Variants in STARD9 observed in about 807,000 individuals in gnomAD.
STARD9 encodes StAR related lipid transfer domain containing 9, also known as stAR-related lipid transfer protein 9.
A neutral mutation model predicts 399.8 loss-of-function variants in STARD9; 346 were observed. That is an observed-to-expected ratio of 0.87 (90% CI 0.79 to 0.95). The LOEUF is 0.95. Among genes scored for constraint, STARD9 ranks in the 40% least tolerant of loss-of-function variants. The probability of loss-of-function intolerance (pLI) is 0.00; values close to 1 mark genes in which losing one functional copy is unlikely to be tolerated. For missense variants in STARD9, 5,832 were observed against 5,667.5 expected (o/e 1.03, Z -0.93); for synonymous variants, 2,203 against 2,143.5 (o/e 1.03, Z -0.77).
In STARD9 at chr15:42,674,957, G is replaced by C. The variant is rs1244487527; in HGVS notation, c.1680G>C (p.Leu560=). 5 of 1,533,710 alleles carry C rather than the reference G, an allele frequency of 3.3e-6. No homozygotes were observed. Among genetic ancestry groups the C allele is most frequent in the Non-Finnish European group, 4.4e-6 (5 of 1,145,396 alleles). The change falls in exon 18 of 33, where the codon CTG becomes CTC. Residue 560 remains leucine, a synonymous_variant. Coordinates refer to ENST00000290607, the MANE Select transcript of STARD9 (RefSeq NM_020759.3). ...NGREVTASCR[L]TQGAVITLGK... is the part of the protein sequence containing the mutation. ...GGGAGGTCACTGCCTCCTGCCGTCT[G>C]ACTCAAGGTAGGACTGTCTGTAGCC...
intron 26 of STARD9, among the ~76,000 whole-genome samples, chr15:42,707,496 G>C (rs2061115076): frequency 6.8e-6 from 1 of 146,410 alleles, no homozygotes; most frequent in Non-Finnish European, 1.5e-5. Context: ...TTGAGACAGA[G>C]TCTTGCTGTG....
Position 42,692,188 on chromosome 15 carries a change from A to T in STARD9, c.10610A>T (p.Asp3537Val). The change falls in exon 23 of 33, where the codon GAT (aspartate) becomes GTT (valine). Residue 3537 changes from aspartate to valine, a missense_variant. This residue lies in a region of STARD9 where 5,828 missense variants were observed against 5,651.1 expected (regional missense o/e 1.03). Coordinates refer to ENST00000290607, the MANE Select transcript of STARD9 (RefSeq NM_020759.3). Reference sequence around the variant, plus strand: ...CTCAGCACTTACGCCAATATTTGTGATCTGTCAACCACACACAGCAGCACT... The same window carrying T: ...CTCAGCACTTACGCCAATATTTGTGTTCTGTCAACCACACACAGCAGCACT... ...SHLSTYANIC[D>V]LSTTHSSTEN... The T allele has an allele frequency of 6.5e-7, 1 of 1,537,046 alleles. No homozygotes were observed. The highest frequency in any genetic ancestry group is 1.2e-5 in the South Asian group (1 of 84,050).
chr15:42,601,079 A>G (rs1256722420), intron 3 of STARD9, among the ~76,000 whole-genome samples: 1 of 152,052 alleles, frequency 6.6e-6, no homozygotes, highest in African/African-American at 2.4e-5. Context: ...CTTAACGAGT[A>G]TGCTGCCTTC....
In STARD9 at chr15:42,720,785, T is replaced by A. The variant is rs1479452995; in HGVS notation, c.*1211T>A. 1 of 152,302 alleles carries A rather than the reference T, an allele frequency of 6.6e-6. No homozygotes were observed. 9.4% of individuals were successfully genotyped at this position (152,302 alleles called of 1,614,324 possible). A position where few individuals can be genotyped will look rare whatever the true frequency, so the allele number is the denominator to read the frequency against. ...TTTTCTAAAGTGTTTGCAGGGCATT[T>A]TTCCCTCTTACCTCAGATTAAGTTA... On this transcript the variant is annotated 3_prime_UTR_variant, in exon 33 of 33. Transcript: ENST00000290607.
At chr15:42,716,642 T>G in intron 26 of STARD9, 35 bp from the exon 27 acceptor site, 1 of 1,363,368 alleles carries the variant, frequency 7.3e-7, no homozygotes, top group Non-Finnish European at 1.0e-6. Flanking sequence ...TGTGCTTGCC[T>G]TCTGGCTCTG....
chr15:42,620,373 C>T (rs2059064271), intron 3 of STARD9, among the ~76,000 whole-genome samples: 1 of 151,698 alleles, frequency 6.6e-6, no homozygotes, highest in African/African-American at 2.4e-5. Context: ...CCCAGCTACT[C>T]CAGAGGCTGA....
At position 42,686,858 on chromosome 15, in the gene STARD9, C is replaced by G. The variant is rs573673780; in HGVS notation, c.5280C>G (p.Ala1760=). 90 of 1,537,086 alleles carry G rather than the reference C, an allele frequency of 5.9e-5. No individual in the cohort carries two copies. Among genetic ancestry groups the G allele is most frequent in the South Asian group, 4.4e-4 (37 of 84,064 alleles). Residue 1760 remains alanine (A), a synonymous_variant, in exon 23 of 33, where the codon GCC becomes GCG. Coordinates refer to ENST00000290607, the MANE Select transcript of STARD9 (RefSeq NM_020759.3). ...TKSRDALTET[A]LEIPACREVR... ...GCAGGGATGCCCTGACAGAAACTGC[C>G]TTAGAGATTCCAGCTTGCAGAGAAG... is the stretch of plus-strand genomic sequence containing the variant.
intron 26 of STARD9, among the ~76,000 whole-genome samples, chr15:42,707,150 G>T (rs892932479): frequency 6.6e-6 from 1 of 151,760 alleles, no homozygotes; most frequent in Non-Finnish European, 1.5e-5. Flanking sequence ...AGTTAAAAAA[G>T]TAATAAAAAC....
intron 3 of STARD9, among the ~76,000 whole-genome samples, chr15:42,603,627 A>T (rs1487960531): frequency 4.6e-5 from 7 of 152,150 alleles, no homozygotes; most frequent in African/African-American, 1.7e-4. Context: ...CTCCCCAAAT[A>T]TGTGGAGACG....
In STARD9 at chr15:42,693,579, C is replaced by T. The variant is rs2060768781; in HGVS notation, c.12001C>T (p.Gln4001Ter). The T allele has an allele frequency of 4.6e-6, 7 of 1,537,162 alleles. No individual in the cohort carries two copies. Among genetic ancestry groups the T allele is most frequent in the Non-Finnish European group, 6.1e-6 (7 of 1,146,922 alleles). ...LQFSFLGQHP[Q>*]QLQPRTTIGV... The stretch of plus-strand genomic sequence containing the variant: ...ATTTAGTTTCTTAGGGCAGCACCCT[C>T]AGCAGCTTCAGCCCAGGACAACTAT... Residue 4001 changes from glutamine (Q) to a stop codon, truncating the protein, a stop_gained, in exon 23 of 33, where the codon CAG (glutamine) becomes TAG (stop). Transcript: ENST00000290607. LOFTEE classifies it high-confidence loss of function.
Position 42,687,824 on chromosome 15 carries a change from G to C in STARD9, c.6246G>C (p.Lys2082Asn). 1.3e-6 allele frequency: 2 copies of C among 1,537,470 alleles called. No individual in the cohort carries two copies. Among genetic ancestry groups the C allele is most frequent in the South Asian group, 2.4e-5 (2 of 84,060 alleles). Reference sequence around the variant, plus strand: ...CTTCCCACACACCAGGAACCGATAAGGAGTTGGTGTTCCAGGACCAGAAGG... The same window carrying C: ...CTTCCCACACACCAGGAACCGATAACGAGTTGGTGTTCCAGGACCAGAAGG... Reference protein sequence around the residue: ...VHASHTPGTDKELVFQDQKEQ... With the variant: ...VHASHTPGTDNELVFQDQKEQ... The change falls in exon 23 of 33, where the codon AAG (lysine) becomes AAC (asparagine). Residue 2082 changes from lysine to asparagine, a missense_variant. Coordinates refer to ENST00000290607, the MANE Select transcript of STARD9 (RefSeq NM_020759.3).
chr15:42,586,727 G>A (rs2058284274), intron 3 of STARD9, among the ~76,000 whole-genome samples: 2 of 152,058 alleles, frequency 1.3e-5, no homozygotes, highest in Admixed American at 1.3e-4. Context: ...AAATACTACT[G>A]GAAATAGAAA....
rs781538433 is a variant in STARD9 at position 42,692,341 on chromosome 15, C to G, written c.10763C>G (p.Pro3588Arg). 4 of 1,536,862 alleles carry G rather than the reference C, an allele frequency of 2.6e-6. No homozygotes were observed. In the African/African-American group the frequency reaches 5.5e-5, roughly 21 times the overall value. The change falls in exon 23 of 33, where the codon CCT (proline) becomes CGT (arginine). Residue 3588 changes from proline to arginine, a missense_variant. Around this residue, in one of 2 missense-constraint regions of STARD9, gnomAD observed 5,828 missense variants for 5,651.1 expected, o/e 1.03. Coordinates refer to ENST00000290607, the MANE Select transcript of STARD9 (RefSeq NM_020759.3). ...CCCACTTCGGGTCATGACAGAAGGCCTCAGTTCAGGGGCCCTTCTGGTGAA... is the reference window on the plus strand; with the variant it reads ...CCCACTTCGGGTCATGACAGAAGGCGTCAGTTCAGGGGCCCTTCTGGTGAA... ...VAPTSGHDRR[P>R]QFRGPSGEAD...
chr15:42,654,611 A>G (rs1174301379), intron 9 of STARD9, among the ~76,000 whole-genome samples: 1 of 152,196 alleles, frequency 6.6e-6, no homozygotes, highest in Non-Finnish European at 1.5e-5. Context: ...ATGTACATGA[A>G]TCAGTAGCTG....
rs754142958 is a variant in STARD9, at chr15:42,684,520, C to T, written c.2942C>T (p.Ala981Val). 4.6e-6 allele frequency: 7 copies of T among 1,537,130 alleles called. No homozygotes were observed. Among genetic ancestry groups the T allele is most frequent in the Non-Finnish European group, 6.1e-6 (7 of 1,146,872 alleles). ...TTQTRGAKGLADPSHTQAGWR... is the reference protein window; with the variant it reads ...TTQTRGAKGLVDPSHTQAGWR... ...CAGACCAGAGGGGCGAAGGGACTAGCAGACCCTAGCCACACACAAGCTGGG... is the reference window on the plus strand; with the variant it reads ...CAGACCAGAGGGGCGAAGGGACTAGTAGACCCTAGCCACACACAAGCTGGG... The change falls in exon 23 of 33, where the codon GCA (alanine) becomes GTA (valine). Residue 981 changes from alanine to valine, a missense_variant. Coordinates refer to ENST00000290607, the MANE Select transcript of STARD9 (RefSeq NM_020759.3).
chr15:42,670,685 G>C (rs2060187061), intron 16 of STARD9: 2 of 152,222 alleles, frequency 1.3e-5, no homozygotes, highest in African/African-American at 4.8e-5. Context: ...ATGGAAGTGA[G>C]ATGTTAGCAA....
In STARD9 at chr15:42,694,144, CTGAG is replaced by C; in HGVS notation, c.12569_12572del (p.Glu4190GlyfsTer55). The C allele has an allele frequency of 1.3e-6, 2 of 1,536,308 alleles. No individual in the cohort carries two copies. The highest frequency in any genetic ancestry group is 2.0e-5 in the Admixed American group (1 of 50,882). On this transcript the variant is annotated frameshift_variant, in exon 23 of 33. Transcript: ENST00000290607. LOFTEE classifies it high-confidence loss of function. ...CCTCCTAATGACCACAGCCAGGATT[CTGAG>C]TGGTCCAAGAGGGAGCAGATCCCCC...
At chr15:42,719,293 TAGG>T (rs1452894421) in intron 32 of STARD9, among the ~76,000 whole-genome samples, 177 bp from the exon 33 acceptor site, 1 of 152,124 alleles carries the variant, frequency 6.6e-6, no homozygotes, top group East Asian at 1.9e-4. Context: ...ACTTTGTCAC[TAGG>T]AGGTGAACGC....
chr15:42,717,266 C>T (rs1255782407), intron 28 of STARD9, among the ~76,000 whole-genome samples: 5 of 152,060 alleles, frequency 3.3e-5, no homozygotes, highest in Non-Finnish European at 7.4e-5. Context: ...GGGAGGATCA[C>T]TTGAGGTCAG....
Sources: allele counts gnomAD v4.1 joint callset (sites outside exome capture counted in the v4.1 genomes callset), GRCh38; gene constraint gnomAD v4.1.1; regional missense constraint gnomAD v4.1.1; transcripts MANE v1.5; gene names NCBI Gene and HGNC (gene_info 2026-07-23, HGNC 2026-07-21).